IQCM: variants seen among roughly 807,000 people sequenced by gnomAD.
IQCM encodes IQ motif containing M.
IQCM carries 45 observed loss-of-function variants against 57.6 expected under a neutral mutation model. That is an observed-to-expected ratio of 0.78 (90% CI 0.62 to 1.00). The LOEUF (loss-of-function observed/expected upper bound fraction) is 1.00, where lower values mean the gene tolerates loss of function less well. Ranked by LOEUF, IQCM falls within the 50% of genes least tolerant of loss-of-function variation. IQCM has a pLI of 0.00. For synonymous variants in IQCM, 148 were observed against 158.9 expected (o/e 0.93, Z 0.51); for missense variants, 468 against 511.6 (o/e 0.91, Z 0.82).
intron 13 of IQCM, among the ~76,000 whole-genome samples, chr4:149,395,635 T>C (rs997856299): frequency 6.6e-6 from 1 of 151,982 alleles, no homozygotes; most frequent in African/African-American, 2.4e-5. Context: ...TGGTTGTCTT[T>C]GCCAAAGAAA....
At chr4:149,579,526 G>A (rs112008784) in intron 9 of IQCM, among the ~76,000 whole-genome samples, 27 of 151,884 alleles carry the variant, frequency 1.8e-4, no homozygotes, top group East Asian at 3.9e-4. Context: ...CTGATGCCTC[G>A]TGACTAATGC....
At chr4:149,688,092 C>G (rs1328094415) in intron 5 of IQCM, among the ~76,000 whole-genome samples, 1 of 151,906 alleles carries the variant, frequency 6.6e-6, no homozygotes, top group African/African-American at 2.4e-5. Flanking sequence ...ACTGGAAGTC[C>G]TAGCCAGAGC....
intron 12 of IQCM, among the ~76,000 whole-genome samples, chr4:149,521,673 G>A (rs1169470650): frequency 6.6e-6 from 1 of 152,216 alleles, no homozygotes; most frequent in South Asian, 2.1e-4. Context: ...CAGCATTAAA[G>A]GCTTCACTGG....
At chr4:149,488,055 T>TG (rs1741712084) in intron 12 of IQCM, among the ~76,000 whole-genome samples, 1 of 152,094 alleles carries the variant, frequency 6.6e-6, no homozygotes, top group South Asian at 2.1e-4. Flanking sequence ...TCTGTGTGTG[T>TG]TTTTTAAAGA....
At position 149,351,918 on chromosome 4, in the gene IQCM, TTAAC is replaced by T. The variant is rs1328938464; in HGVS notation, c.*29_*32del. 2.5e-6 allele frequency: 1 copy of T among 398,548 alleles called. No homozygotes were observed. Among genetic ancestry groups the T allele is most frequent in the Non-Finnish European group, 4.4e-6 (1 of 225,892 alleles). The allele number at this position is 398,548 out of a possible 1,614,324, so 24.7% of individuals were successfully genotyped here. On this transcript the variant is annotated 3_prime_UTR_variant, in exon 14 of 14. Transcript: ENST00000636793. ...AACTTGTCTCTTTGGGTAGAGAAGT[TTAAC>T]TATTACAGGTAATAATATGTTGGAA... is the stretch of plus-strand genomic sequence containing the variant.
At chr4:149,547,664 C>T (rs1748593159) in intron 12 of IQCM, among the ~76,000 whole-genome samples, 1 of 152,170 alleles carries the variant, frequency 6.6e-6, no homozygotes, top group African/African-American at 2.4e-5. Context: ...CACACTCACA[C>T]TTACATACAC....
At chr4:149,503,369 G>A (rs1019084651) in intron 12 of IQCM, among the ~76,000 whole-genome samples, 1 of 152,112 alleles carries the variant, frequency 6.6e-6, no homozygotes, top group Non-Finnish European at 1.5e-5. Flanking sequence ...GCTATACATA[G>A]CAGTGATATT....
At chr4:149,619,107 G>GATATATATGTATATATATAT (rs1756068669) in intron 8 of IQCM, among the ~76,000 whole-genome samples, 2 of 126,762 alleles carry the variant, frequency 1.6e-5, no homozygotes, top group African/African-American at 6.2e-5. Flanking sequence ...ATGTGGGATG[G>GATATATATGTATATATATAT]ATATATATAT....
At chr4:149,506,511 T>C (rs1329169703) in intron 12 of IQCM, among the ~76,000 whole-genome samples, 1 of 152,170 alleles carries the variant, frequency 6.6e-6, no homozygotes, top group Admixed American at 6.5e-5. Context: ...AAAGCTGCCT[T>C]GAAAGGATCC....
rs1261290325 is a variant in IQCM at position 149,705,269 on chromosome 4, T to C, written c.386-18801A>G. Among the ~76,000 whole-genome samples the C allele has an allele frequency of 8.7e-5, 13 of 148,626 alleles. No individual in the cohort carries two copies. In the East Asian group the frequency reaches 2.1e-3, roughly 25 times the overall value. On this transcript the variant is annotated intron_variant, in intron 5 of 13. Transcript: ENST00000636793. ...ATATATTTATAAAAATATATAAAAA[T>C]TAGGGCTCTGGAGAGCCCTAATACA... is the stretch of plus-strand genomic sequence containing the variant.
chr4:149,670,910 T>C (rs1561135089), intron 7 of IQCM, among the ~76,000 whole-genome samples: 2 of 151,828 alleles, frequency 1.3e-5, no homozygotes, highest in Non-Finnish European at 1.5e-5. Flanking sequence ...TACATCAATG[T>C]TCATCAGGGA....
At chr4:149,423,606 T>G (rs547467338) in intron 13 of IQCM, among the ~76,000 whole-genome samples, 213 of 152,146 alleles carry the variant, frequency 1.4e-3, no homozygotes, top group Non-Finnish European at 2.1e-3. Context: ...CTCTCAACAT[T>G]GCTTAGCAGA....
chr4:149,598,657 G>A (rs1176883000), intron 8 of IQCM, among the ~76,000 whole-genome samples: 1 of 150,992 alleles, frequency 6.6e-6, no homozygotes, highest in Non-Finnish European at 1.5e-5. Context: ...AACTTTATTT[G>A]TCATTAGGAA....
intron 13 of IQCM, among the ~76,000 whole-genome samples, chr4:149,374,967 TTGTGTGTGTG>T (rs145080282): frequency 6.4e-5 from 8 of 125,308 alleles, no homozygotes; most frequent in African/African-American, 1.6e-4. Flanking sequence ...CACACTTTCT[TTGTGTGTGTG>T]TGTGTGTGTG....
At chr4:149,706,119 T>C (rs998844202) in intron 5 of IQCM, among the ~76,000 whole-genome samples, 2 of 151,974 alleles carry the variant, frequency 1.3e-5, no homozygotes, top group Admixed American at 6.6e-5. Flanking sequence ...AACAGTGGAC[T>C]AGGAGTATGC....
At position 149,496,411 on chromosome 4, in the gene IQCM, G is replaced by GA. The variant is rs376600852; in HGVS notation, c.1228+52043dup. ...AATGAAGTGAAGTATTTTGATATTG[G>GA]AAGATTATTCAGGATTATGTGGGTG... On this transcript the variant is annotated intron_variant, in intron 12 of 13. Coordinates refer to ENST00000636793, the MANE Select transcript of IQCM (RefSeq NM_001363507.2). Among the ~76,000 whole-genome samples the GA allele has an allele frequency of 3.5e-3, 531 of 152,242 alleles. 7 individuals carry two copies. The highest frequency in any genetic ancestry group is 0.012 in the African/African-American group (498 of 41,556).
chr4:149,404,402 G>A (rs1456352352), intron 13 of IQCM, among the ~76,000 whole-genome samples: 1 of 151,940 alleles, frequency 6.6e-6, no homozygotes, highest in Non-Finnish European at 1.5e-5. Flanking sequence ...TTAACCAGAT[G>A]GAAACTCACA....
chr4:149,500,624 A>G (rs1743140581), intron 12 of IQCM, among the ~76,000 whole-genome samples: 1 of 152,198 alleles, frequency 6.6e-6, no homozygotes, highest in Non-Finnish European at 1.5e-5. Context: ...TCTGGGCTCC[A>G]GAAACCATAG....
chr4:149,428,095 A>G (rs1289670596), intron 13 of IQCM, among the ~76,000 whole-genome samples: 1 of 151,872 alleles, frequency 6.6e-6, no homozygotes, highest in African/African-American at 2.4e-5. Context: ...ATGATAATGT[A>G]AGTTTTTTAC....
Sources: allele counts gnomAD v4.1 joint callset (sites outside exome capture counted in the v4.1 genomes callset), GRCh38; gene constraint gnomAD v4.1.1; transcripts MANE v1.5; gene names NCBI Gene and HGNC (gene_info 2026-07-23, HGNC 2026-07-21).